The following GPC5 variants were observed in gnomAD, a reference collection of about 807,000 sequenced individuals.
GPC5 encodes glypican-5.
GPC5 carries 47 observed loss-of-function variants against 53.9 expected under a neutral mutation model. The ratio of observed to expected loss-of-function variants is 0.87; its 90% CI spans 0.69 to 1.11. The LOEUF (loss-of-function observed/expected upper bound fraction) is 1.11, where lower values mean the gene tolerates loss of function less well. GPC5 is among the 50% of genes most tolerant of loss of function. The pLI is 0.00. For synonymous variants in GPC5, 286 were observed against 263.3 expected, an observed-to-expected ratio of 1.09 and a Z score of -0.84; for missense variants, 748 against 713.1, an observed-to-expected ratio of 1.05 and a Z score of -0.56.
intron 7 of GPC5, among the ~76,000 whole-genome samples, chr13:92,502,753 A>G (rs1880237069): frequency 1.3e-5 from 2 of 152,088 alleles, no homozygotes; most frequent in Admixed American, 1.3e-4. Context: ...GTAGAGTTAG[A>G]GATTTCAACA....
chr13:91,984,433 G>T (rs2040388427), intron 6 of GPC5, among the ~76,000 whole-genome samples: 1 of 152,158 alleles, frequency 6.6e-6, no homozygotes, highest in African/African-American at 2.4e-5. Flanking sequence ...TATAGTCCCT[G>T]ATCTGCACTT....
chr13:92,774,608 C>A (rs967587662), intron 7 of GPC5, among the ~76,000 whole-genome samples: 1 of 152,174 alleles, frequency 6.6e-6, no homozygotes, highest in African/African-American at 2.4e-5. Context: ...AAATGATGCA[C>A]TTTTCAGGAT....
chr13:91,509,990 A>G (rs1015264976), intron 2 of GPC5, among the ~76,000 whole-genome samples: 1 of 152,158 alleles, frequency 6.6e-6, no homozygotes, highest in Non-Finnish European at 1.5e-5. Context: ...CATAATTTCT[A>G]ATGATATTTG....
At chr13:91,755,096 G>A (rs1177205361) in intron 4 of GPC5, among the ~76,000 whole-genome samples, 1 of 151,946 alleles carries the variant, frequency 6.6e-6, no homozygotes, top group African/African-American at 2.4e-5. Context: ...TGTCCAGCCT[G>A]GGCAGCATAG....
chr13:92,508,865 G>A (rs1880467569), intron 7 of GPC5, among the ~76,000 whole-genome samples: 2 of 152,286 alleles, frequency 1.3e-5, no homozygotes, highest in African/African-American at 4.8e-5. Context: ...GAAATCAGAA[G>A]ACGGTTTTGA....
intron 7 of GPC5, chr13:92,706,070 AAAAG>A (rs1241338816): frequency 1.3e-5 from 2 of 152,126 alleles, no homozygotes; most frequent in African/African-American, 4.8e-5. Context: ...CTGTGTCACA[AAAAG>A]AAAGACTCTG....
chr13:91,525,141 G>T (rs908614948), intron 2 of GPC5, among the ~76,000 whole-genome samples: 12 of 152,016 alleles, frequency 7.9e-5, no homozygotes, highest in East Asian at 3.9e-4. Flanking sequence ...CTATACAAAC[G>T]AACTATGTAT....
intron 7 of GPC5, among the ~76,000 whole-genome samples, chr13:92,191,957 C>T (rs966199617): frequency 5.3e-5 from 8 of 152,252 alleles, no homozygotes; most frequent in African/African-American, 1.7e-4. Context: ...ATTGCTCCTG[C>T]ACCACAGTAA....
At chr13:92,488,132 CGT>C (rs1430665169) in intron 7 of GPC5, among the ~76,000 whole-genome samples, 4 of 151,548 alleles carry the variant, frequency 2.6e-5, no homozygotes, top group Non-Finnish European at 4.4e-5. Flanking sequence ...TGTGTGTGCG[CGT>C]GTGTGTGTGT....
At chr13:92,580,012 A>G (rs1883323019) in intron 7 of GPC5, among the ~76,000 whole-genome samples, 1 of 152,214 alleles carries the variant, frequency 6.6e-6, no homozygotes, top group Non-Finnish European at 1.5e-5. Context: ...ACATGACTTT[A>G]TTATAGAGGT....
chr13:92,002,138 A>G (rs2040561431), intron 6 of GPC5, among the ~76,000 whole-genome samples: 1 of 56,812 alleles, frequency 1.8e-5, no homozygotes, highest in Non-Finnish European at 4.8e-5. Flanking sequence ...AACAACTGAC[A>G]AAAATCTGAT....
chr13:92,768,903 C>T (rs1875511360), intron 7 of GPC5, among the ~76,000 whole-genome samples: 1 of 151,996 alleles, frequency 6.6e-6, no homozygotes, highest in African/African-American at 2.4e-5. Context: ...CAGTATTTCT[C>T]CAACGTCGAG....
chr13:92,351,073 C>A (rs2043473377), intron 7 of GPC5, among the ~76,000 whole-genome samples: 1 of 151,802 alleles, frequency 6.6e-6, no homozygotes, highest in Non-Finnish European at 1.5e-5. Flanking sequence ...CAAATATCCA[C>A]AATGAAAAAA....
intron 7 of GPC5, among the ~76,000 whole-genome samples, chr13:92,397,510 G>A (rs891069987): frequency 1.3e-5 from 2 of 152,142 alleles, no homozygotes; most frequent in African/African-American, 2.4e-5. Flanking sequence ...TATTAGCAGC[G>A]TGAAAACGGA....
chr13:92,182,643 G>A (rs914979333), intron 7 of GPC5, among the ~76,000 whole-genome samples: 7 of 152,254 alleles, frequency 4.6e-5, no homozygotes, highest in African/African-American at 1.7e-4. Flanking sequence ...GAGGTGGGCA[G>A]ATCATGAGGT....
intron 5 of GPC5, among the ~76,000 whole-genome samples, chr13:91,825,969 A>G (rs1327534377): frequency 2.6e-5 from 4 of 152,110 alleles, no homozygotes; most frequent in African/African-American, 9.7e-5. Context: ...AAAAGAACCC[A>G]GTAGTAAGTC....
chr13:91,693,270 G>A lies in GPC5; in HGVS notation c.409G>A (p.Ala137Thr), dbSNP rs1309323298. The A allele has an allele frequency of 1.2e-6, 2 of 1,613,954 alleles. No individual in the cohort carries two copies. Reference protein sequence around the residue: ...CSTYRNMALEAAASVQEFFTD... With the variant: ...CSTYRNMALETAASVQEFFTD... ...TACCTACAGGAACATGGCCTTGGAG[G>A]CTGCTGCTTCGGTTCAGGAGTTCTT... is the stretch of plus-strand genomic sequence containing the variant. Residue 137 changes from alanine (A) to threonine (T), a missense_variant, in exon 3 of 8, where the codon GCT becomes ACT. Coordinates refer to ENST00000377067, the MANE Select transcript of GPC5 (RefSeq NM_004466.6).
intron 6 of GPC5, among the ~76,000 whole-genome samples, chr13:92,133,792 A>G (rs1293156704): frequency 1.3e-5 from 2 of 152,154 alleles, no homozygotes; most frequent in Admixed American, 6.5e-5. Context: ...GCGAAAAGGC[A>G]AGGGAAAAAA....
chr13:92,496,161 A>G (rs910621201), intron 7 of GPC5, among the ~76,000 whole-genome samples: 14 of 152,236 alleles, frequency 9.2e-5, no homozygotes, highest in Admixed American at 9.2e-4. Context: ...AAACTTTTAC[A>G]GCTCTTTTAT....
Sources: allele counts gnomAD v4.1 joint callset (sites outside exome capture counted in the v4.1 genomes callset), GRCh38; gene constraint gnomAD v4.1.1; transcripts MANE v1.5; gene names NCBI Gene and HGNC (gene_info 2026-07-23, HGNC 2026-07-21).